The following CDH18 variants were observed in gnomAD, a reference collection of about 807,000 sequenced individuals.
CDH18 encodes the protein cadherin 18, also known as cadherin-18.
CDH18 carries 31 observed loss-of-function variants against 67.9 expected under a neutral mutation model. That is an observed-to-expected ratio of 0.46 (90% CI 0.34 to 0.62). CDH18 has a LOEUF of 0.62. Ranked by LOEUF, CDH18 falls within the 20% of genes least tolerant of loss-of-function variation. The pLI, the probability that CDH18 is intolerant of heterozygous loss-of-function variation, is 0.01. For synonymous variants in CDH18, 362 were observed against 347.2 expected, an observed-to-expected ratio of 1.04 and a Z score of -0.48; for missense variants, 890 against 975.5, an observed-to-expected ratio of 0.91 and a Z score of 1.17.
intron 2 of CDH18, among the ~76,000 whole-genome samples, chr5:20,242,630 ATATG>A (rs1251314724): frequency 6.2e-5 from 8 of 128,038 alleles, no homozygotes; most frequent in African/African-American, 2.6e-4. Context: ...ATATATATAT[ATATG>A]TATATATATA....
chr5:19,584,793 C>CAAAAAAAAAAAAAAAAAAAAA (rs61297842), intron 7 of CDH18, among the ~76,000 whole-genome samples: 7 of 75,052 alleles, frequency 9.3e-5, no homozygotes, highest in African/African-American at 1.1e-4. Flanking sequence ...ACTAAAAATA[C>CAAAAAAAAAAAAAAAAAAAAA]AAAAAAAAAA....
intron 7 of CDH18, among the ~76,000 whole-genome samples, chr5:19,580,368 G>A (rs1406101104): frequency 6.6e-6 from 1 of 151,720 alleles, no homozygotes; most frequent in Non-Finnish European, 1.5e-5. Context: ...AGTTGGTATG[G>A]GCTGACATCT....
At chr5:20,499,131 C>T (rs1284922730) in intron 1 of CDH18, among the ~76,000 whole-genome samples, 1 of 152,010 alleles carries the variant, frequency 6.6e-6, no homozygotes, top group Admixed American at 6.6e-5. Flanking sequence ...CACATACACA[C>T]ACACACACAG....
rs1217599789 is a variant in CDH18, at chr5:20,573,905, GTATT to G, written c.-580+1553_-580+1556del. Among the ~76,000 whole-genome samples the G allele has an allele frequency of 2.2e-4, 5 of 22,492 alleles. No homozygotes were observed. The East Asian group carries it at 2.6e-3, about 12-fold the overall frequency. 14.8% of individuals were successfully genotyped at this position (22,492 alleles called of 152,430 possible). A position where few individuals can be genotyped will look rare whatever the true frequency, so the allele number is the denominator to read the frequency against. ...ATATATATAAAAGAAATATATATATGTATTTATATATATAAAAGAAATATATATA... is the reference window on the plus strand; with the variant it reads ...ATATATATAAAAGAAATATATATATGTATATATATAAAAGAAATATATATA... On this transcript the variant is annotated intron_variant, in intron 1 of 14. Transcript: ENST00000507958.
intron 2 of CDH18, among the ~76,000 whole-genome samples, chr5:19,950,224 C>G (rs1036705380): frequency 1.3e-5 from 2 of 151,812 alleles, no homozygotes; most frequent in African/African-American, 4.8e-5. Flanking sequence ...TTTGCAGCAA[C>G]CTGGATGGAG....
intron 1 of CDH18, among the ~76,000 whole-genome samples, chr5:20,513,163 C>T (rs1755152338): frequency 6.6e-6 from 1 of 152,010 alleles, no homozygotes; most frequent in African/African-American, 2.4e-5. Flanking sequence ...ACTAGTCTTC[C>T]TTTTTCAGTT....
intron 1 of CDH18, among the ~76,000 whole-genome samples, chr5:20,418,763 T>C (rs920485292): frequency 6.6e-6 from 1 of 152,130 alleles, no homozygotes; most frequent in African/African-American, 2.4e-5. Flanking sequence ...TAGATGTGTG[T>C]ATATGCAATG....
intron 1 of CDH18, among the ~76,000 whole-genome samples, chr5:20,327,190 G>A (rs1435069632): frequency 2.0e-5 from 3 of 152,118 alleles, no homozygotes; most frequent in Non-Finnish European, 4.4e-5. Context: ...TTATGCCAAA[G>A]GGAAAGTTCA....
intron 2 of CDH18, among the ~76,000 whole-genome samples, chr5:20,048,898 C>T (rs1271657932): frequency 3.3e-5 from 5 of 151,652 alleles, no homozygotes; most frequent in Non-Finnish European, 7.4e-5. Context: ...AATAAGGCAA[C>T]ATTTCACATC....
chr5:19,649,984 T>C (rs1372486334), intron 5 of CDH18, among the ~76,000 whole-genome samples: 1 of 152,032 alleles, frequency 6.6e-6, no homozygotes. Flanking sequence ...GCTTGAATGA[T>C]TGACAACTGG....
intron 2 of CDH18, among the ~76,000 whole-genome samples, chr5:20,024,425 G>T (rs1048096293): frequency 6.6e-6 from 1 of 152,134 alleles, no homozygotes; most frequent in African/African-American, 2.4e-5. Context: ...TGGAAGTAAC[G>T]TGAGCTTCAG....
chr5:19,727,121 A>G (rs1488477188), intron 4 of CDH18, among the ~76,000 whole-genome samples: 3 of 152,204 alleles, frequency 2.0e-5, no homozygotes, highest in African/African-American at 7.2e-5. Context: ...AAGACAATCA[A>G]TTAATCAATA....
chr5:19,647,035 T>G (rs559640614), intron 5 of CDH18, among the ~76,000 whole-genome samples: 1 of 152,268 alleles, frequency 6.6e-6, no homozygotes, highest in African/African-American at 2.4e-5. Context: ...AATTGCAAAG[T>G]TAATCATAGA....
At chr5:20,294,640 T>A (rs903764796) in intron 1 of CDH18, among the ~76,000 whole-genome samples, 1 of 152,232 alleles carries the variant, frequency 6.6e-6, no homozygotes, top group Non-Finnish European at 1.5e-5. Flanking sequence ...CTTGACTTAA[T>A]CTTTTTGTCC....
intron 2 of CDH18, among the ~76,000 whole-genome samples, chr5:19,907,409 A>ATGTT (rs1790656210): frequency 1.3e-5 from 2 of 152,008 alleles, no homozygotes; most frequent in Admixed American, 1.3e-4. Flanking sequence ...AAATTCATTT[A>ATGTT]TGTTTTCTAT....
intron 11 of CDH18, among the ~76,000 whole-genome samples, chr5:19,487,316 C>A (rs1740567684): frequency 6.6e-6 from 1 of 152,108 alleles, no homozygotes; most frequent in African/African-American, 2.4e-5. Context: ...AATCTGAGAG[C>A]ATTCAATAAA....
chr5:19,763,316 G>C (rs988150692), intron 3 of CDH18, among the ~76,000 whole-genome samples: 10 of 152,170 alleles, frequency 6.6e-5, no homozygotes. Context: ...TGGTATTTGT[G>C]AAAGAAATAA....
intron 2 of CDH18, among the ~76,000 whole-genome samples, chr5:19,865,634 G>A (rs1021401255): frequency 2.6e-5 from 4 of 151,976 alleles, no homozygotes; most frequent in African/African-American, 9.7e-5. Flanking sequence ...CCACCCAGGT[G>A]CTTAATGCTC....
At chr5:19,584,793 C>A (rs369759379) in intron 7 of CDH18, among the ~76,000 whole-genome samples, 333 of 75,006 alleles carry the variant, frequency 4.4e-3, no homozygotes, top group African/African-American at 6.0e-3. Context: ...ACTAAAAATA[C>A]AAAAAAAAAA....
Sources: gnomAD v4.1 joint callset for allele counts (sites outside exome capture counted in the v4.1 genomes callset) on GRCh38, gnomAD v4.1.1 for gene constraint, MANE v1.5 for transcripts, NCBI Gene and HGNC (gene_info 2026-07-23, HGNC 2026-07-21) for gene names.